CWC27: variants seen among roughly 807,000 people sequenced by gnomAD.
CWC27 encodes CWC27 spliceosome associated cyclophilin, also known as spliceosome-associated protein CWC27 homolog.
Under a neutral mutation model 63.6 loss-of-function variants are expected in CWC27, and 47 were observed. That is an observed-to-expected ratio of 0.74 (90% CI 0.58 to 0.94). The LOEUF (loss-of-function observed/expected upper bound fraction) is 0.94, where lower values mean the gene tolerates loss of function less well. Among genes scored for constraint, CWC27 ranks in the 40% least tolerant of loss-of-function variants. CWC27 has a pLI of 0.00. For missense variants in CWC27, 495 were observed against 554.3 expected (o/e 0.89, Z 1.07); for synonymous variants, 175 against 179.8 (o/e 0.97, Z 0.22).
At chr5:64,848,711 A>C (rs1349280500) in intron 10 of CWC27, among the ~76,000 whole-genome samples, 1 of 152,216 alleles carries the variant, frequency 6.6e-6, no homozygotes, top group Non-Finnish European at 1.5e-5. Flanking sequence ...GTGGTACATC[A>C]CATTAACAAA....
intron 9 of CWC27, 55 bp downstream of exon 9, chr5:64,801,387 ATT>A (rs1744481536): frequency 1.6e-6 from 2 of 1,220,470 alleles, no homozygotes; most frequent in Non-Finnish European, 2.2e-6. Context: ...AAAGTACAAA[ATT>A]TTTACAAAAA....
intron 13 of CWC27, among the ~76,000 whole-genome samples, chr5:65,003,824 A>G (rs1439443395): frequency 1.3e-5 from 2 of 150,708 alleles, no homozygotes; most frequent in South Asian, 2.1e-4. Context: ...TGGTGTTTAT[A>G]AAGTTCTCTA....
At chr5:64,963,601 C>T (rs1486181274) in intron 11 of CWC27, among the ~76,000 whole-genome samples, 1 of 152,042 alleles carries the variant, frequency 6.6e-6, no homozygotes, top group Admixed American at 6.5e-5. Flanking sequence ...CCAGTTTTTT[C>T]AAATAGTTGG....
intron 10 of CWC27, among the ~76,000 whole-genome samples, chr5:64,878,323 G>A (rs1447213642): frequency 6.6e-6 from 1 of 151,356 alleles, no homozygotes; most frequent in Non-Finnish European, 1.5e-5. Context: ...TTAATAATTA[G>A]TGTCATTTTA....
At position 64,946,649 on chromosome 5, in the gene CWC27, G is replaced by A. The variant is rs1190620091; in HGVS notation, c.1043-25054G>A. Among the ~76,000 whole-genome samples the A allele has an allele frequency of 6.6e-5, 10 of 151,474 alleles. No individual in the cohort carries two copies. In the South Asian group the frequency reaches 8.3e-4, roughly 13 times the overall value. ...GGGCCTTAAGAATGAATACATCTAT[G>A]TTGAGATGTTTATTAATGAAACTAC... On this transcript the variant is annotated intron_variant, in intron 11 of 13. Transcript: ENST00000381070.
intron 10 of CWC27, among the ~76,000 whole-genome samples, chr5:64,853,651 A>T (rs1746188968): frequency 6.6e-6 from 1 of 152,138 alleles, no homozygotes; most frequent in African/African-American, 2.4e-5. Flanking sequence ...CAGGAAGCTT[A>T]CAATTATGGT....
intron 2 of CWC27, among the ~76,000 whole-genome samples, chr5:64,775,553 C>CT (rs1743412549): frequency 6.6e-6 from 1 of 151,992 alleles, no homozygotes; most frequent in African/African-American, 2.4e-5. Flanking sequence ...TTTTTCTTCC[C>CT]TTTTTTTACT....
intron 11 of CWC27, among the ~76,000 whole-genome samples, chr5:64,940,842 C>CTTTTTTTTTTTTTTTT (rs70983655): frequency 1.5e-5 from 1 of 64,964 alleles, no homozygotes; most frequent in Non-Finnish European, 2.9e-5. Context: ...TTCTTTCTTT[C>CTTTTTTTTTTTTTTTT]TTTTTTTTTT....
chr5:65,013,555 G>C (rs570155687), intron 13 of CWC27, among the ~76,000 whole-genome samples: 1 of 152,330 alleles, frequency 6.6e-6, no homozygotes, highest in South Asian at 2.1e-4. Flanking sequence ...AATAAGGTTG[G>C]TGAGATAGGA....
intron 13 of CWC27, among the ~76,000 whole-genome samples, chr5:64,989,508 G>A (rs1749495872): frequency 1.3e-5 from 2 of 152,230 alleles, no homozygotes; most frequent in African/African-American, 2.4e-5. Context: ...GAAAAGCACT[G>A]TGCCTTGATA....
chr5:64,803,460 A>G (rs1045254767), intron 9 of CWC27, among the ~76,000 whole-genome samples: 2 of 152,198 alleles, frequency 1.3e-5, no homozygotes, highest in African/African-American at 4.8e-5. Flanking sequence ...ATTAAAATAT[A>G]TGGTGTATCA....
chr5:64,926,826 G>A (rs1322312723), intron 11 of CWC27, among the ~76,000 whole-genome samples: 2 of 152,130 alleles, frequency 1.3e-5, no homozygotes, highest in Non-Finnish European at 2.9e-5. Flanking sequence ...AGTTTGCCCT[G>A]AAAATCAAGA....
intron 11 of CWC27, among the ~76,000 whole-genome samples, chr5:64,900,465 T>C (rs971712408): frequency 6.6e-6 from 1 of 152,250 alleles, no homozygotes; most frequent in African/African-American, 2.4e-5. Context: ...ACAAATCCTT[T>C]ATCAGATATA....
rs183966445 is a variant in CWC27 at position 64,862,410 on chromosome 5, C to G, written c.939-23033C>G. Among the ~76,000 whole-genome samples, 413 of 152,220 alleles carry G rather than the reference C, an allele frequency of 2.7e-3. 3 individuals are homozygous for G. Among genetic ancestry groups the G allele is most frequent in the African/African-American group, 9.6e-3 (400 of 41,542 alleles). Reference sequence around the variant, plus strand: ...TAGAAGAAAACACTCATATACTTATCACTTGGATTAAACAATGATTGATAG... The same window carrying G: ...TAGAAGAAAACACTCATATACTTATGACTTGGATTAAACAATGATTGATAG... On this transcript the variant is annotated intron_variant, in intron 10 of 13. Coordinates refer to ENST00000381070, the MANE Select transcript of CWC27 (RefSeq NM_005869.4).
chr5:64,912,079 A>T (rs1249364902), intron 11 of CWC27, among the ~76,000 whole-genome samples: 1 of 139,114 alleles, frequency 7.2e-6, no homozygotes, highest in African/African-American at 3.3e-5. Flanking sequence ...GTCTCAAAAA[A>T]AAAAAAAAAA....
At chr5:64,784,608 G>A (rs1376150219) in intron 4 of CWC27, among the ~76,000 whole-genome samples, 2 of 152,094 alleles carry the variant, frequency 1.3e-5, no homozygotes, top group African/African-American at 2.4e-5. Flanking sequence ...CCCTCTGCTG[G>A]TTCAGTAAGA....
intron 11 of CWC27, among the ~76,000 whole-genome samples, chr5:64,949,785 C>T (rs1748669443): frequency 1.3e-5 from 2 of 151,944 alleles, no homozygotes; most frequent in African/African-American, 4.8e-5. Context: ...ATGAATATTA[C>T]CTCAATATTC....
At chr5:64,777,547 C>T (rs549124986) in intron 2 of CWC27, among the ~76,000 whole-genome samples, 1 of 152,014 alleles carries the variant, frequency 6.6e-6, no homozygotes, top group Non-Finnish European at 1.5e-5. Flanking sequence ...TGATAATGCC[C>T]ATAGATTATT....
intron 3 of CWC27, among the ~76,000 whole-genome samples, chr5:64,782,413 A>C (rs1013391346): frequency 2.0e-5 from 3 of 147,396 alleles, no homozygotes; most frequent in Non-Finnish European, 3.0e-5. Flanking sequence ...GCACCAATGC[A>C]CTCCAGCCTG....
Sources: gnomAD v4.1 joint callset for allele counts (sites outside exome capture counted in the v4.1 genomes callset) on GRCh38, gnomAD v4.1.1 for gene constraint, MANE v1.5 for transcripts, NCBI Gene and HGNC (gene_info 2026-07-23, HGNC 2026-07-21) for gene names.